The following PDGFC variants were observed in gnomAD, a reference collection of about 807,000 sequenced individuals.
PDGFC encodes the protein platelet derived growth factor C, also known as platelet-derived growth factor C.
In PDGFC, 12 loss-of-function variants were observed where a neutral mutation model predicts 35.5. The observed-to-expected ratio is 0.34, with a 90% CI of 0.22 to 0.55. The LOEUF (loss-of-function observed/expected upper bound fraction) is 0.55, where lower values mean the gene tolerates loss of function less well. Among genes scored for constraint, PDGFC ranks in the 20% least tolerant of loss-of-function variants. The pLI, the probability that PDGFC is intolerant of heterozygous loss-of-function variation, is 0.91. For synonymous variants in PDGFC, 159 were observed against 148.8 expected, an observed-to-expected ratio of 1.07 and a Z score of -0.50; for missense variants, 322 against 412.4, an observed-to-expected ratio of 0.78 and a Z score of 1.90.
At chr4:156,921,778 A>C (rs1731288341) in intron 1 of PDGFC, among the ~76,000 whole-genome samples, 1 of 152,118 alleles carries the variant, frequency 6.6e-6, no homozygotes, top group Admixed American at 6.5e-5. Context: ...ACAAACACAG[A>C]TAACTGTTTC....
chr4:156,920,646 C>CAA (rs1370717655), intron 1 of PDGFC, among the ~76,000 whole-genome samples: 1 of 15,150 alleles, frequency 6.6e-5, no homozygotes, highest in East Asian at 7.9e-4. Flanking sequence ...GAAAAGAAAA[C>CAA]ACACACACAC....
At position 156,931,832 on chromosome 4, in the gene PDGFC, C is replaced by T. The variant is rs376161945; in HGVS notation, c.118+38954G>A. ...TAGGAGTTTTTTTTTTGTTAAACTACATGTGTTGAACAGAAAACTTAGGTA... is the reference window on the plus strand; with the variant it reads ...TAGGAGTTTTTTTTTTGTTAAACTATATGTGTTGAACAGAAAACTTAGGTA... On this transcript the variant is annotated intron_variant, in intron 1 of 5. Transcript: ENST00000502773. Among the ~76,000 whole-genome samples, 20 of 151,954 alleles carry T rather than the reference C, an allele frequency of 1.3e-4. No individual in the cohort carries two copies. In the East Asian group the frequency reaches 2.1e-3, roughly 16 times the overall value.
intron 1 of PDGFC, among the ~76,000 whole-genome samples, chr4:156,856,872 G>A (rs1343406636): frequency 1.3e-5 from 2 of 152,046 alleles, no homozygotes; most frequent in Non-Finnish European, 2.9e-5. Flanking sequence ...ACATATTTCA[G>A]CAGAAAGTGA....
rs557204876 is a variant in PDGFC at position 156,891,373 on chromosome 4, T to C, written c.119-40957A>G. ...CTATGGGACCATCTTCATATGTATATGCAGTTTGTTGTTGACCAAAATGTT... is the reference window on the plus strand; with the variant it reads ...CTATGGGACCATCTTCATATGTATACGCAGTTTGTTGTTGACCAAAATGTT... On this transcript the variant is annotated intron_variant, in intron 1 of 5. Coordinates refer to ENST00000502773, the MANE Select transcript of PDGFC (RefSeq NM_016205.3). Among the ~76,000 whole-genome samples, 6 of 149,586 alleles carry C rather than the reference T, an allele frequency of 4.0e-5. No homozygotes were observed. The East Asian group carries it at 8.0e-4, about 20-fold the overall frequency.
chr4:156,794,059 A>T (rs1198169504), intron 3 of PDGFC, among the ~76,000 whole-genome samples: 2 of 152,166 alleles, frequency 1.3e-5, no homozygotes. Flanking sequence ...ATCATAAAAC[A>T]TTGTCCTATT....
intron 2 of PDGFC, among the ~76,000 whole-genome samples, chr4:156,815,929 T>C (rs1579027855): frequency 6.6e-6 from 1 of 152,142 alleles, no homozygotes; most frequent in Non-Finnish European, 1.5e-5. Flanking sequence ...AACACACCCC[T>C]GGGGACCTGT....
At chr4:156,862,515 G>C (rs888900719) in intron 1 of PDGFC, among the ~76,000 whole-genome samples, 3 of 152,012 alleles carry the variant, frequency 2.0e-5, no homozygotes, top group African/African-American at 7.3e-5. Flanking sequence ...TCTTATCAAA[G>C]GCAAAGTCAA....
At chr4:156,943,560 C>T (rs1308291218) in intron 1 of PDGFC, among the ~76,000 whole-genome samples, 2 of 152,098 alleles carry the variant, frequency 1.3e-5, no homozygotes, top group Non-Finnish European at 2.9e-5. Flanking sequence ...TAAATGTTCT[C>T]CTGTGGAGCT....
At chr4:156,939,691 G>A (rs1014649987) in intron 1 of PDGFC, among the ~76,000 whole-genome samples, 2 of 151,998 alleles carry the variant, frequency 1.3e-5, no homozygotes, top group African/African-American at 4.8e-5. Context: ...TGTGTCCTCA[G>A]CAGAAATTAA....
chr4:156,971,662 C>T lies in PDGFC; in HGVS notation c.-759G>A, dbSNP rs1031783204. On this transcript the variant is annotated 5_prime_UTR_variant, in exon 1 of 6. Coordinates refer to ENST00000502773, the MANE Select transcript of PDGFC (RefSeq NM_016205.3). ...GACCAAAGTTCACCTTGTTCGGGCTCGTCCCCCGCTCCTCAAAGCCTGGGG... is the reference window on the plus strand; with the variant it reads ...GACCAAAGTTCACCTTGTTCGGGCTTGTCCCCCGCTCCTCAAAGCCTGGGG... Among the ~76,000 whole-genome samples the T allele has an allele frequency of 6.6e-6, 1 of 151,854 alleles. No individual in the cohort carries two copies. The highest frequency in any genetic ancestry group is 2.4e-5 in the African/African-American group (1 of 41,392).
At chr4:156,890,657 T>C (rs896804873) in intron 1 of PDGFC, among the ~76,000 whole-genome samples, 2 of 152,178 alleles carry the variant, frequency 1.3e-5, no homozygotes, top group Non-Finnish European at 2.9e-5. Context: ...GAGATCTCTT[T>C]AAAGCAGGAA....
chr4:156,834,163 A>C (rs1361755675), intron 2 of PDGFC, among the ~76,000 whole-genome samples: 12 of 152,136 alleles, frequency 7.9e-5, no homozygotes. Context: ...ATCTCTTGGG[A>C]AAATCCTCAT....
At chr4:156,782,658 C>T (rs549303449) in intron 3 of PDGFC, among the ~76,000 whole-genome samples, 1 of 152,190 alleles carries the variant, frequency 6.6e-6, no homozygotes, top group East Asian at 1.9e-4. Context: ...TCGGTCACCA[C>T]ACTAAAATGA....
chr4:156,960,252 T>TTA (rs202066963), intron 1 of PDGFC, among the ~76,000 whole-genome samples: 5,356 of 136,990 alleles, frequency 0.039, 220 homozygotes, highest in African/African-American at 0.1. Context: ...TATATAACTG[T>TTA]TATATATATA....
At chr4:156,816,715 T>C (rs1732097929) in intron 2 of PDGFC, among the ~76,000 whole-genome samples, 1 of 152,188 alleles carries the variant, frequency 6.6e-6, no homozygotes, top group Non-Finnish European at 1.5e-5. Context: ...TTAGAGCCCA[T>C]GCTCTTAAGT....
intron 2 of PDGFC, among the ~76,000 whole-genome samples, chr4:156,817,842 T>C (rs1384340573): frequency 1.3e-5 from 2 of 152,040 alleles, no homozygotes; most frequent in African/African-American, 2.4e-5. Flanking sequence ...GCAGATCACC[T>C]GAGGTCAGGA....
At chr4:156,950,788 A>G (rs957718760) in intron 1 of PDGFC, among the ~76,000 whole-genome samples, 1 of 151,884 alleles carries the variant, frequency 6.6e-6, no homozygotes, top group Non-Finnish European at 1.5e-5. Context: ...TTGAATTGCT[A>G]AATGACTACA....
At chr4:156,768,054 A>G (rs1730588764) in intron 4 of PDGFC, 64 bp from the exon 5 acceptor site, 2 of 922,848 alleles carry the variant, frequency 2.2e-6, no homozygotes, top group Non-Finnish European at 3.5e-6. Context: ...AATGTATTTC[A>G]TTAAGCTCTT....
At chr4:156,851,191 C>T (rs1402106058) in intron 1 of PDGFC, among the ~76,000 whole-genome samples, 1 of 152,098 alleles carries the variant, frequency 6.6e-6, no homozygotes, top group East Asian at 1.9e-4. Context: ...TACTAAATAA[C>T]CTAAATCTTA....
Sources: allele counts gnomAD v4.1 joint callset (sites outside exome capture counted in the v4.1 genomes callset), GRCh38; gene constraint gnomAD v4.1.1; transcripts MANE v1.5; gene names NCBI Gene and HGNC (gene_info 2026-07-23, HGNC 2026-07-21).